Variants in PSMD3 observed in about 807,000 individuals in gnomAD.
PSMD3 encodes 26S proteasome non-ATPase regulatory subunit 3.
PSMD3 carries 5 observed loss-of-function variants against 62.8 expected under a neutral mutation model. The observed-to-expected ratio is 0.08, with a 90% confidence interval of 0.04 to 0.17. The LOEUF (loss-of-function observed/expected upper bound fraction) is 0.17, where lower values mean the gene tolerates loss of function less well. Ranked by LOEUF, PSMD3 falls within the 10% of genes least tolerant of loss-of-function variation. The pLI, the probability that PSMD3 is intolerant of heterozygous loss-of-function variation, is 1.00. For missense variants in PSMD3, 524 were observed against 713.6 expected, an observed-to-expected ratio of 0.73 and a Z score of 3.03; for synonymous variants, 265 against 283.9, an observed-to-expected ratio of 0.93 and a Z score of 0.67.
intron 4 of PSMD3, 87 bp downstream of exon 4, chr17:39,988,906 C>A: frequency 6.6e-7 from 1 of 1,515,664 alleles, no homozygotes; most frequent in Non-Finnish European, 9.0e-7. Context: ...CTGCAGAGGG[C>A]GAAGAACCTG....
chr17:39,990,678 T>C (rs1258452849), intron 6 of PSMD3, among the ~76,000 whole-genome samples: 2 of 152,212 alleles, frequency 1.3e-5, no homozygotes, highest in South Asian at 2.1e-4. Context: ...AGAGTGTTTC[T>C]GGCAGATAGG....
chr17:39,985,906 A>G (rs767008937), intron 2 of PSMD3, among the ~76,000 whole-genome samples: 2 of 152,100 alleles, frequency 1.3e-5, no homozygotes, highest in African/African-American at 2.4e-5. Flanking sequence ...CTCTAGAATT[A>G]TTTCGTTCAG....
intron 2 of PSMD3, among the ~76,000 whole-genome samples, chr17:39,985,230 A>G (rs1278051905): frequency 3.3e-5 from 5 of 152,114 alleles, no homozygotes; most frequent in African/African-American, 9.7e-5. Context: ...CCCTACCTCA[A>G]AACAAAACAA....
chr17:39,980,922 C>T lies in PSMD3; in HGVS notation c.-49C>T. ...TCCTGGTCCCCGGTGCGAGGGTTAA[C>T]GCGAGGCCCCGGCCTCGGTCCCCGG... On this transcript the variant is annotated 5_prime_UTR_variant, in exon 1 of 12. It adds an upstream start codon to the 5' untranslated region. Transcript: ENST00000264639. 6.9e-7 allele frequency: 1 copy of T among 1,439,632 alleles called. No homozygotes were observed. The highest frequency in any genetic ancestry group is 9.1e-7 in the Non-Finnish European group (1 of 1,093,350). 89.2% of individuals were successfully genotyped at this position (1,439,632 alleles called of 1,614,324 possible). A position where few individuals can be genotyped will look rare whatever the true frequency, so the allele number is the denominator to read the frequency against.
Position 39,997,839 on chromosome 17 carries a change from G to A in PSMD3, c.*258G>A. 1 of 560,108 alleles carries A rather than the reference G, an allele frequency of 1.8e-6. No homozygotes were observed. 34.7% of individuals were successfully genotyped at this position (560,108 alleles called of 1,614,324 possible). The stretch of plus-strand genomic sequence containing the variant: ...CCTGGCCAGCAGTGTGGGAGCAGGA[G>A]GGGAAGGATAGTTCTGTGTACTCCT... On this transcript the variant is annotated 3_prime_UTR_variant, in exon 12 of 12. Transcript: ENST00000264639.
At chr17:39,990,724 G>T (rs1980636140) in intron 6 of PSMD3, among the ~76,000 whole-genome samples, 1 of 152,200 alleles carries the variant, frequency 6.6e-6, no homozygotes, top group Non-Finnish European at 1.5e-5. Flanking sequence ...GCTCCTGACA[G>T]TCATTCCAGG....
chr17:39,991,383 T>TG (rs1431582203), intron 6 of PSMD3, among the ~76,000 whole-genome samples: 1 of 152,200 alleles, frequency 6.6e-6, no homozygotes, highest in Admixed American at 6.5e-5. Context: ...CTCGAACTCC[T>TG]GACCTCAAGT....
intron 6 of PSMD3, among the ~76,000 whole-genome samples, chr17:39,991,059 A>G (rs1375352846): frequency 6.6e-6 from 1 of 151,444 alleles, no homozygotes; most frequent in Non-Finnish European, 1.5e-5. Flanking sequence ...TCTCACTGCA[A>G]CCTCTGCCTC....
intron 2 of PSMD3, among the ~76,000 whole-genome samples, chr17:39,986,371 C>T (rs570051188): frequency 6.6e-6 from 1 of 152,350 alleles, no homozygotes; most frequent in South Asian, 2.1e-4. Flanking sequence ...GCTGGCACTA[C>T]CGGCGTGAGC....
rs891676913 is a variant in PSMD3 at position 39,988,773 on chromosome 17, C to T, written c.640C>T (p.His214Tyr). The T allele has an allele frequency of 6.2e-7, 1 of 1,614,130 alleles. No homozygotes were observed. The highest frequency in any genetic ancestry group is 8.5e-7 in the Non-Finnish European group (1 of 1,180,032). Reference sequence around the variant, plus strand: ...TGTAGCCGCAAAGTGTTACTATTATCACGCCCGGGTCTATGAGTTCCTGGA... The same window carrying T: ...TGTAGCCGCAAAGTGTTACTATTATTACGCCCGGGTCTATGAGTTCCTGGA... ...DLVAAKCYYY[H>Y]ARVYEFLDKL... The change falls in exon 4 of 12, where the codon CAC (histidine) becomes TAC (tyrosine). Residue 214 changes from histidine (H) to tyrosine (Y), a missense_variant. By Grantham distance (83) the His-to-Tyr change is moderately conservative (BLOSUM62 2). This residue lies in a region of PSMD3 where 396 missense variants were observed against 475.8 expected (regional missense o/e 0.83). Transcript: ENST00000264639.
Position 39,980,936 on chromosome 17 carries a change from C to G in PSMD3, c.-35C>G, listed in dbSNP as rs968517075. The G allele has an allele frequency of 8.2e-6, 12 of 1,470,382 alleles. No homozygotes were observed. The highest frequency in any genetic ancestry group is 2.9e-5 in the African/African-American group (2 of 69,842). The allele number at this position is 1,470,382 out of a possible 1,614,324, so 91.1% of individuals were successfully genotyped here. On this transcript the variant is annotated 5_prime_UTR_variant, in exon 1 of 12. Transcript: ENST00000264639. ...GCGAGGGTTAACGCGAGGCCCCGGC[C>G]TCGGTCCCCGGACTAGGCCGTGACC...
rs572011315 is a variant in PSMD3 at position 39,980,862 on chromosome 17, C to T, written c.-109C>T. The T allele has an allele frequency of 5.0e-6, 5 of 996,814 alleles. No individual in the cohort carries two copies. The East Asian group carries it at 1.2e-4, about 23-fold the overall frequency. 61.7% of individuals were successfully genotyped at this position (996,814 alleles called of 1,614,324 possible). ...GCTGCTCCGTCATCGTGCGGCCCGA[C>T]GCTATCTCGCGCTCGTGTGCAGGCC... On this transcript the variant is annotated 5_prime_UTR_variant, in exon 1 of 12. In the 5' UTR this introduces an upstream ATG that the reference lacks. Transcript: ENST00000264639.
chr17:39,997,240 G>C (rs1455384491), intron 10 of PSMD3, 90 bp from the exon 11 acceptor site: 5 of 1,292,298 alleles, frequency 3.9e-6, no homozygotes, highest in Admixed American at 3.4e-5. Context: ...CTGGTGTCTA[G>C]CTCACAGAGG....
rs1598315466 is a variant in PSMD3 at position 39,995,893 on chromosome 17, C to T, written c.1321-290C>T. On this transcript the variant is annotated intron_variant, in intron 9 of 11. Coordinates refer to ENST00000264639, the MANE Select transcript of PSMD3 (RefSeq NM_002809.4). The surrounding 1 kb of genome is among the most constrained non-coding windows in gnomAD (Gnocchi z 4.1). ...CAGCACTTTGGGAGGCTGACATGGG[C>T]AGATCACCTGAGGTCAGGAGTTTGA... 4 of 479,608 alleles carry T rather than the reference C, an allele frequency of 8.3e-6. No homozygotes were observed. In the East Asian group the frequency reaches 1.7e-4, roughly 20 times the overall value. 29.7% of individuals were successfully genotyped at this position (479,608 alleles called of 1,614,324 possible).
intron 1 of PSMD3, 23 bp from the exon 2 acceptor site, chr17:39,984,271 T>A (rs3816471): frequency 6.3e-7 from 1 of 1,588,472 alleles, no homozygotes; most frequent in Non-Finnish European, 8.6e-7. Context: ...AGTGACATCA[T>A]TTTCTTCTCT....
In PSMD3 at chr17:39,997,695, G is replaced by A. The variant is rs1395942705; in HGVS notation, c.*114G>A. ...CACACACAGCTCATATGCTGCATTC[G>A]TGCAGGGGGTGGGGGTGCTGGGAGC... On this transcript the variant is annotated 3_prime_UTR_variant, in exon 12 of 12. Coordinates refer to ENST00000264639, the MANE Select transcript of PSMD3 (RefSeq NM_002809.4). 1.4e-5 allele frequency: 18 copies of A among 1,249,326 alleles called. No homozygotes were observed. Among genetic ancestry groups the A allele is most frequent in the South Asian group, 1.1e-4 (8 of 75,662 alleles). The allele number at this position is 1,249,326 out of a possible 1,614,324, so 77.4% of individuals were successfully genotyped here. A position where few individuals can be genotyped will look rare whatever the true frequency, so the allele number is the denominator to read the frequency against.
chr17:39,981,133 ACGG>A lies in PSMD3; in HGVS notation c.171_173del (p.Ala60del), dbSNP rs1486255678. ...GTCGACGGGGGAGGCAGACGGCAAG[ACGG>A]CGGCGGCAGCGGCTGAGCACTCCCA... On this transcript the variant is annotated inframe_deletion, in exon 1 of 12. Coordinates refer to ENST00000264639, the MANE Select transcript of PSMD3 (RefSeq NM_002809.4). 1 of 1,550,458 alleles carries A rather than the reference ACGG, an allele frequency of 6.4e-7. No homozygotes were observed.
rs1029004455 is a variant in PSMD3 at position 39,988,960 on chromosome 17, G to A, written c.686+141G>A. On this transcript the variant is annotated intron_variant, in intron 4 of 11. Transcript: ENST00000264639. ...AGGGGCAGTGGTTCCCATGCCCTGC[G>A]CCACGTGAGGGGTGTGGGAGAGAGA... The A allele has an allele frequency of 2.5e-5, 28 of 1,129,738 alleles. No homozygotes were observed. In the Admixed American group the frequency reaches 3.2e-4, roughly 13 times the overall value. 70.0% of individuals were successfully genotyped at this position (1,129,738 alleles called of 1,614,324 possible). A position where few individuals can be genotyped will look rare whatever the true frequency, so the allele number is the denominator to read the frequency against.
rs1980625835 is a variant in PSMD3, at chr17:39,990,308, C to G, written c.981+111C>G. On this transcript the variant is annotated intron_variant, in intron 6 of 11. Transcript: ENST00000264639. ...GAACTCCTGGGTTCAAGAAGTCCTC[C>G]CACCTCAGCTTCCCAAAGTGCTGGG... 1.1e-5 allele frequency: 10 copies of G among 925,482 alleles called. No homozygotes were observed. In the South Asian group the frequency reaches 1.7e-4, roughly 16 times the overall value. The allele number at this position is 925,482 out of a possible 1,614,324, so 57.3% of individuals were successfully genotyped here.
Sources: allele counts gnomAD v4.1 joint callset (sites outside exome capture counted in the v4.1 genomes callset), GRCh38; gene constraint gnomAD v4.1.1; regional missense constraint gnomAD v4.1.1; non-coding constraint Gnocchi (gnomAD v3.1); transcripts MANE v1.5; gene names NCBI Gene and HGNC (gene_info 2026-07-23, HGNC 2026-07-21).